The following GPR173 variants were observed in gnomAD, a reference collection of about 807,000 sequenced individuals.
GPR173 encodes the protein probable G protein-coupled receptor 173.
GPR173 carries 2 observed loss-of-function variants against 13.9 expected under a neutral mutation model. That is an observed-to-expected ratio of 0.14 (90% CI 0.06 to 0.45). GPR173 has a LOEUF of 0.45. Among genes scored for constraint, GPR173 ranks in the 20% least tolerant of loss-of-function variants. GPR173 has a pLI of 0.98. For missense variants in GPR173, 202 were observed against 340.5 expected (o/e 0.59, Z 3.20); for synonymous variants, 131 against 141.0 (o/e 0.93, Z 0.50).
intron 1 of GPR173, among the ~76,000 whole-genome samples, chrX:53,066,810 C>T (rs952012327): frequency 2.7e-5 from 3 of 111,028 alleles, no homozygotes; most frequent in Admixed American, 9.7e-5. Context: ...GATCCCAGTT[C>T]CTTACAGAAA....
rs936813090 is a variant in GPR173, at chrX:53,066,602, A to G, written c.-97-9923A>G. Reference sequence around the variant, plus strand: ...AGAATCGCTTGAACCCAGGAGGCGGAGGTTGCAGTGAGCTGAGATTGCACT... The same window carrying G: ...AGAATCGCTTGAACCCAGGAGGCGGGGGTTGCAGTGAGCTGAGATTGCACT... On this transcript the variant is annotated intron_variant, in intron 1 of 1. Transcript: ENST00000332582. Among the ~76,000 whole-genome samples, 5 of 109,584 alleles carry G rather than the reference A, an allele frequency of 4.6e-5. 1 individual carries two copies. Among genetic ancestry groups the G allele is most frequent in the Non-Finnish European group, 9.5e-5 (5 of 52,736 alleles).
intron 1 of GPR173, among the ~76,000 whole-genome samples, chrX:53,052,596 C>T (rs1556802829): frequency 2.0e-5 from 2 of 101,514 alleles, no homozygotes; most frequent in Admixed American, 1.0e-4. Context: ...TCTGTCCACA[C>T]ACACACGTGT....
chrX:53,063,584 G>C (rs1369933047), intron 1 of GPR173, among the ~76,000 whole-genome samples: 2 of 111,641 alleles, frequency 1.8e-5, no homozygotes, highest in African/African-American at 6.5e-5. Flanking sequence ...TTTCTGTTCT[G>C]CTTCTCTTTT....
At chrX:53,057,942 A>G (rs900012710) in intron 1 of GPR173, among the ~76,000 whole-genome samples, 2 of 112,152 alleles carry the variant, frequency 1.8e-5, no homozygotes, top group Admixed American at 9.4e-5. Flanking sequence ...GCAAGTGTGA[A>G]TGGGGTTTCT....
At chrX:53,069,329 G>A (rs1351100577) in intron 1 of GPR173, among the ~76,000 whole-genome samples, 3 of 109,527 alleles carry the variant, frequency 2.7e-5, no homozygotes, top group African/African-American at 6.7e-5. Context: ...CATAGGTATA[G>A]GCCAAACTCC....
intron 1 of GPR173, among the ~76,000 whole-genome samples, chrX:53,052,907 T>C (rs1931982356): frequency 9.0e-6 from 1 of 111,341 alleles, no homozygotes; most frequent in Admixed American, 9.6e-5. Flanking sequence ...CCTTCTTGTA[T>C]GGATGTACAG....
chrX:53,074,915 C>G (rs1440579434), intron 1 of GPR173, among the ~76,000 whole-genome samples: 1 of 103,518 alleles, frequency 9.7e-6, no homozygotes, highest in Non-Finnish European at 2.0e-5. Flanking sequence ...TCTGAGTAGT[C>G]TCCCTACTTT....
At chrX:53,072,900 G>A (rs1372617728) in intron 1 of GPR173, among the ~76,000 whole-genome samples, 3 of 111,208 alleles carry the variant, frequency 2.7e-5, no homozygotes, top group African/African-American at 9.8e-5. Flanking sequence ...TTGGCCTCCT[G>A]TCATGGGCTC....
chrX:53,071,629 T>G (rs113531110), intron 1 of GPR173, among the ~76,000 whole-genome samples: 55 of 112,013 alleles, frequency 4.9e-4, no homozygotes, highest in African/African-American at 1.6e-3. Flanking sequence ...CCCCGACTCC[T>G]AAATGTCAGA....
chrX:53,057,079 A>G (rs900078099), intron 1 of GPR173, among the ~76,000 whole-genome samples: 4 of 111,945 alleles, frequency 3.6e-5, no homozygotes, highest in Non-Finnish European at 7.5e-5. Context: ...AAGTGGGAGT[A>G]CTATTACCTA....
intron 1 of GPR173, among the ~76,000 whole-genome samples, chrX:53,053,060 A>G (rs1931985267): frequency 8.9e-6 from 1 of 112,585 alleles, no homozygotes; most frequent in African/African-American, 3.2e-5. Context: ...GTAGGAATGT[A>G]CATGGTGTAC....
At chrX:53,066,324 C>T (rs1556804210) in intron 1 of GPR173, among the ~76,000 whole-genome samples, 1 of 111,233 alleles carries the variant, frequency 9.0e-6, no homozygotes, top group African/African-American at 3.3e-5. Context: ...GCTTCGAATC[C>T]ATAAACTCTG....
At chrX:53,057,504 G>A (rs1932056120) in intron 1 of GPR173, among the ~76,000 whole-genome samples, 1 of 107,724 alleles carries the variant, frequency 9.3e-6, no homozygotes, top group African/African-American at 3.4e-5. Flanking sequence ...TTTGGGAGCC[G>A]AGGTGGGCGG....
At chrX:53,058,637 T>C (rs1234515999) in intron 1 of GPR173, among the ~76,000 whole-genome samples, 1 of 111,756 alleles carries the variant, frequency 8.9e-6, no homozygotes, top group African/African-American at 3.3e-5. Flanking sequence ...TATGTGTATA[T>C]GGATGTGTTC....
chrX:53,062,123 T>C (rs782483276), intron 1 of GPR173, among the ~76,000 whole-genome samples: 22 of 111,427 alleles, frequency 2.0e-4, no homozygotes, highest in African/African-American at 7.2e-4. Flanking sequence ...AGAGTCCTCA[T>C]TACCTCATCA....
intron 1 of GPR173, among the ~76,000 whole-genome samples, chrX:53,051,305 G>A (rs781927475): frequency 1.8e-5 from 2 of 110,384 alleles, no homozygotes; most frequent in East Asian, 5.7e-4. Flanking sequence ...AGGCCCAGAA[G>A]ACCATCTCTG....
chrX:53,076,976 G>A lies in GPR173; in HGVS notation c.355G>A (p.Val119Ile), dbSNP rs183977087. The A allele has an allele frequency of 8.0e-5, 97 of 1,208,801 alleles. No individual in the cohort carries two copies. Among genetic ancestry groups the A allele is most frequent in the South Asian group, 3.0e-4 (17 of 56,931 alleles). The change falls in exon 2 of 2, where the codon GTC (valine) becomes ATC (isoleucine). Residue 119 changes from valine (V) to isoleucine (I), a missense_variant. Physicochemically the swap from Val to Ile is conservative, Grantham distance 29. This residue lies in a region of GPR173 where 98 missense variants were observed against 137.2 expected (regional missense o/e 0.71). Transcript: ENST00000332582. ...HAAFMLFCIS[V>I]TRYMAIAHHR... ...GGCCTTCATGCTGTTCTGCATCAGC[G>A]TCACCCGCTACATGGCCATCGCCCA... is the stretch of plus-strand genomic sequence containing the variant.
chrX:53,062,569 CTTCTTT>C (rs1383537667), intron 1 of GPR173, among the ~76,000 whole-genome samples: 2 of 74,651 alleles, frequency 2.7e-5, no homozygotes, highest in African/African-American at 5.6e-5. Context: ...ACATTGTCTT[CTTCTTT>C]TTTTTTTTTT....
intron 1 of GPR173, among the ~76,000 whole-genome samples, chrX:53,058,611 G>A (rs1417906763): frequency 8.9e-6 from 1 of 111,807 alleles, no homozygotes; most frequent in Non-Finnish European, 1.9e-5. Flanking sequence ...GCTTGTATGC[G>A]TGAGCAGGTC....
Sources: allele counts gnomAD v4.1 joint callset (sites outside exome capture counted in the v4.1 genomes callset), GRCh38; gene constraint gnomAD v4.1.1; regional missense constraint gnomAD v4.1.1; transcripts MANE v1.5; gene names NCBI Gene and HGNC (gene_info 2026-07-23, HGNC 2026-07-21).